Variants in MEOX1 observed in about 807,000 individuals in gnomAD.
MEOX1 encodes the protein mesenchyme homeobox 1, also known as homeobox protein MOX-1.
MEOX1 carries 17 observed loss-of-function variants against 23.2 expected under a neutral mutation model. That is an observed-to-expected ratio of 0.73 (90% confidence interval 0.50 to 1.10). MEOX1 has a LOEUF of 1.10. Among genes scored for constraint, MEOX1 ranks in the 50% least tolerant of loss-of-function variants. The pLI is 0.00. For missense variants in MEOX1, 333 were observed against 332.2 expected, an observed-to-expected ratio of 1.00 and a Z score of -0.02; for synonymous variants, 134 against 135.1, an observed-to-expected ratio of 0.99 and a Z score of 0.06.
At chr17:43,653,032 C>A (rs1227791378) in intron 1 of MEOX1, among the ~76,000 whole-genome samples, 1 of 151,624 alleles carries the variant, frequency 6.6e-6, no homozygotes, top group African/African-American at 2.4e-5. Context: ...TGGCATTTCA[C>A]CGTGTTAGCC....
intron 2 of MEOX1, among the ~76,000 whole-genome samples, chr17:43,642,287 C>T (rs1409849227): frequency 1.3e-5 from 2 of 152,156 alleles, no homozygotes; most frequent in African/African-American, 4.8e-5. Flanking sequence ...TGCATTGGCC[C>T]CACCCCCTTC....
intron 2 of MEOX1, 64 bp downstream of exon 2, chr17:43,643,424 G>A (rs1972736410): frequency 9.1e-6 from 13 of 1,427,828 alleles, no homozygotes; most frequent in Non-Finnish European, 1.2e-5. Context: ...GAGGGGTGGT[G>A]GGAAAGGAGG....
intron 1 of MEOX1, among the ~76,000 whole-genome samples, chr17:43,643,882 C>A (rs1035890785): frequency 7.1e-6 from 1 of 140,724 alleles, no homozygotes; most frequent in African/African-American, 2.7e-5. Context: ...ACCTGCCTCC[C>A]ACCCTCCCCC....
rs1455429252 is a variant in MEOX1 at position 43,649,341 on chromosome 17, A to AGGCTGGAGATTGGTCACTGCAAT, written c.470-5704_470-5682dup. Among the ~76,000 whole-genome samples, 6 of 119,990 alleles carry AGGCTGGAGATTGGTCACTGCAAT rather than the reference A, an allele frequency of 5.0e-5. No homozygotes were observed. In the East Asian group the frequency reaches 1.5e-3, roughly 29 times the overall value. The allele number at this position is 119,990 out of a possible 152,430, so 78.7% of individuals were successfully genotyped here. On this transcript the variant is annotated intron_variant, in intron 1 of 2. Coordinates refer to ENST00000318579, the MANE Select transcript of MEOX1 (RefSeq NM_004527.4). The stretch of plus-strand genomic sequence containing the variant: ...AGGCTGAGTCTCACTTTGGTCACCC[A>AGGCTGGAGATTGGTCACTGCAAT]GGCTGGAGATTGGTCACTGCAATGG...
chr17:43,646,625 C>T (rs1308167217), intron 1 of MEOX1, among the ~76,000 whole-genome samples: 1 of 152,186 alleles, frequency 6.6e-6, no homozygotes, highest in East Asian at 1.9e-4. Context: ...ATTTCACCTA[C>T]CTCCTAGGGT....
At position 43,643,546 on chromosome 17, in the gene MEOX1, T is replaced by C; in HGVS notation, c.584A>G (p.Tyr195Cys). The C allele has an allele frequency of 6.2e-7, 1 of 1,610,798 alleles. No individual in the cohort carries two copies. Among genetic ancestry groups the C allele is most frequent in the Non-Finnish European group, 8.5e-7 (1 of 1,178,822 alleles). ...ELEAEFAHHN[Y>C]LTRLRRYEIA... ...CTCATATCTGCGGAGCCGAGTCAGG[T>C]AGTTATGATGGGCAAACTCTGCCTC... Residue 195 changes from tyrosine to cysteine, a missense_variant, in exon 2 of 3, where the codon TAC (tyrosine) becomes TGC (cysteine). Transcript: ENST00000318579.
rs1192415875 is a variant in MEOX1 at position 43,661,901 on chromosome 17, G to T, written c.-367C>A. 4 of 183,668 alleles carry T rather than the reference G, an allele frequency of 2.2e-5. No homozygotes were observed. Among genetic ancestry groups the T allele is most frequent in the African/African-American group, 9.4e-5 (4 of 42,680 alleles). The allele number at this position is 183,668 out of a possible 1,614,324, so 11.4% of individuals were successfully genotyped here. On this transcript the variant is annotated 5_prime_UTR_variant, in exon 1 of 3. In the 5' UTR this introduces an upstream ATG that the reference lacks. Coordinates refer to ENST00000318579, the MANE Select transcript of MEOX1 (RefSeq NM_004527.4). The stretch of plus-strand genomic sequence containing the variant: ...GACGAGGAGTTCGTCCTGGAGCCCA[G>T]AGCAAATGCCTGCAGAGGGCTGGAC...
intron 1 of MEOX1, among the ~76,000 whole-genome samples, chr17:43,645,169 A>ATATTTTTTTTT (rs1567742598): frequency 7.7e-6 from 1 of 129,714 alleles, no homozygotes; most frequent in Non-Finnish European, 1.6e-5. Flanking sequence ...TTCATTAATT[A>ATATTTTTTTTT]TCTTTTTTTT....
intron 1 of MEOX1, among the ~76,000 whole-genome samples, chr17:43,651,557 A>AG: frequency 6.6e-6 from 1 of 151,788 alleles, no homozygotes; most frequent in East Asian, 1.9e-4. Context: ...AGGGGGAAAA[A>AG]AAAAGAAAAG....
At chr17:43,649,685 C>G (rs1479356349) in intron 1 of MEOX1, among the ~76,000 whole-genome samples, 1 of 152,170 alleles carries the variant, frequency 6.6e-6, no homozygotes, top group African/African-American at 2.4e-5. Context: ...CAATCCACAT[C>G]ACTCCTGCGC....
intron 1 of MEOX1, among the ~76,000 whole-genome samples, chr17:43,652,249 C>T (rs191522396): frequency 1.4e-3 from 215 of 152,248 alleles, no homozygotes; most frequent in African/African-American, 5.0e-3. Flanking sequence ...CGGTGCACCC[C>T]TCAAACCACA....
At chr17:43,650,734 C>A (rs1189558439) in intron 1 of MEOX1, among the ~76,000 whole-genome samples, 1 of 152,200 alleles carries the variant, frequency 6.6e-6, no homozygotes, top group Non-Finnish European at 1.5e-5. Flanking sequence ...ACTTTGATGT[C>A]CCCGTAAGCT....
At chr17:43,646,375 C>A (rs1385814337) in intron 1 of MEOX1, among the ~76,000 whole-genome samples, 1 of 152,204 alleles carries the variant, frequency 6.6e-6, no homozygotes, top group East Asian at 1.9e-4. Context: ...ACAGCCCGGC[C>A]CACGGGCCCG....
chr17:43,648,480 A>G (rs1972852067), intron 1 of MEOX1, among the ~76,000 whole-genome samples: 1 of 151,776 alleles, frequency 6.6e-6, no homozygotes, highest in South Asian at 2.1e-4. Flanking sequence ...AAAAAAAAAA[A>G]AAAGAAAAGA....
At chr17:43,649,409 C>T (rs185615914) in intron 1 of MEOX1, among the ~76,000 whole-genome samples, 258 of 149,792 alleles carry the variant, frequency 1.7e-3, no homozygotes, top group African/African-American at 5.6e-3. Flanking sequence ...TGGGTTCAAG[C>T]GATTCTCCTG....
rs955276596 is a variant in MEOX1 at position 43,641,786 on chromosome 17, A to T, written c.*124T>A. ...GGAATGCTGGGCAGTTTCATATCCA[A>T]GAGTCAGGGAAAGATGTGGAGAGGC... On this transcript the variant is annotated 3_prime_UTR_variant, in exon 3 of 3. Transcript: ENST00000318579. The T allele has an allele frequency of 1.7e-5, 18 of 1,032,152 alleles. No homozygotes were observed. The highest frequency in any genetic ancestry group is 3.2e-5 in the African/African-American group (2 of 62,432). The allele number at this position is 1,032,152 out of a possible 1,614,324, so 63.9% of individuals were successfully genotyped here. A position where few individuals can be genotyped will look rare whatever the true frequency, so the allele number is the denominator to read the frequency against.
In MEOX1 at chr17:43,661,752, A is replaced by C. The variant is rs966714339; in HGVS notation, c.-218T>G. 9.2e-6 allele frequency: 4 copies of C among 434,342 alleles called. No homozygotes were observed. Among genetic ancestry groups the C allele is most frequent in the Non-Finnish European group, 1.6e-5 (4 of 248,948 alleles). 26.9% of individuals were successfully genotyped at this position (434,342 alleles called of 1,614,324 possible). A position where few individuals can be genotyped will look rare whatever the true frequency, so the allele number is the denominator to read the frequency against. ...GCCAGCTACTCCTATGTGTGTGCACACACCTATGTCGGGCTTGCTCCTGCC... is the reference window on the plus strand; with the variant it reads ...GCCAGCTACTCCTATGTGTGTGCACCCACCTATGTCGGGCTTGCTCCTGCC... On this transcript the variant is annotated 5_prime_UTR_variant, in exon 1 of 3. Coordinates refer to ENST00000318579, the MANE Select transcript of MEOX1 (RefSeq NM_004527.4).
At chr17:43,659,090 G>C (rs891083262) in intron 1 of MEOX1, among the ~76,000 whole-genome samples, 1 of 152,262 alleles carries the variant, frequency 6.6e-6, no homozygotes, top group African/African-American at 2.4e-5. Context: ...CAAAAAGAGA[G>C]CTGGTGCATT....
At chr17:43,660,997 C>T in intron 1 of MEOX1, 69 bp downstream of exon 1, 1 of 1,035,942 alleles carries the variant, frequency 9.7e-7, no homozygotes. Flanking sequence ...CACCTAGGCA[C>T]AGAGAGGGTG....
Sources: allele counts gnomAD v4.1 joint callset (sites outside exome capture counted in the v4.1 genomes callset), GRCh38; gene constraint gnomAD v4.1.1; transcripts MANE v1.5; gene names NCBI Gene and HGNC (gene_info 2026-07-23, HGNC 2026-07-21).